RIMS2: variants seen among roughly 807,000 people sequenced by gnomAD.
RIMS2 encodes the protein regulating synaptic membrane exocytosis protein 2.
RIMS2 carries 59 observed loss-of-function variants against 174.4 expected under a neutral mutation model. The observed-to-expected ratio is 0.34, with a 90% confidence interval of 0.27 to 0.42. The LOEUF (loss-of-function observed/expected upper bound fraction) is 0.42. Ranked by LOEUF, RIMS2 falls within the 10% of genes least tolerant of loss-of-function variation. The probability of loss-of-function intolerance (pLI) is 1.00; values close to 1 mark genes in which losing one functional copy is unlikely to be tolerated. For missense variants in RIMS2, 1,620 were observed against 1,666.3 expected (o/e 0.97, Z 0.48); for synonymous variants, 606 against 572.5 (o/e 1.06, Z -0.84).
intron 1 of RIMS2, among the ~76,000 whole-genome samples, chr8:103,675,655 C>A (rs1447366559): frequency 6.6e-6 from 1 of 152,148 alleles, no homozygotes; most frequent in Non-Finnish European, 1.5e-5. Flanking sequence ...GACCAGTACA[C>A]CCAGGCAGAA....
chr8:104,250,849 G>A (rs535263345), intron 22 of RIMS2, among the ~76,000 whole-genome samples, 175 bp from the exon 29 acceptor site: 1 of 152,246 alleles, frequency 6.6e-6, no homozygotes, highest in East Asian at 1.9e-4. Context: ...AAAACTCCCT[G>A]AAAGACACAG....
At chr8:104,152,358 C>A (rs1397925485) in intron 19 of RIMS2, among the ~76,000 whole-genome samples, 1 of 152,066 alleles carries the variant, frequency 6.6e-6, no homozygotes, top group African/African-American at 2.4e-5. Context: ...ATAGATTTGA[C>A]CTGCTGACAA....
chr8:104,022,059 GA>G (rs2096111568), intron 19 of RIMS2, among the ~76,000 whole-genome samples: 1 of 152,124 alleles, frequency 6.6e-6, no homozygotes, highest in African/African-American at 2.4e-5. Context: ...GCAAAAGTCT[GA>G]AAAATATCTC....
chr8:104,065,616 A>G (rs1201760168), intron 19 of RIMS2, among the ~76,000 whole-genome samples: 2 of 152,114 alleles, frequency 1.3e-5, no homozygotes, highest in Non-Finnish European at 2.9e-5. Flanking sequence ...TATGAACCAA[A>G]TAATTTTTGG....
intron 2 of RIMS2, among the ~76,000 whole-genome samples, chr8:103,732,085 T>G (rs545970920): frequency 1.6e-4 from 25 of 152,320 alleles, no homozygotes; most frequent in African/African-American, 6.0e-4. Context: ...TGGGTAGGTT[T>G]TCCATGTATT....
chr8:103,937,664 A>T (rs1392167359), intron 13 of RIMS2, among the ~76,000 whole-genome samples: 1 of 152,212 alleles, frequency 6.6e-6, no homozygotes, highest in Non-Finnish European at 1.5e-5. Flanking sequence ...GAATTTAGCA[A>T]ATTCAAGGGG....
chr8:103,717,273 A>C (rs1432644697), intron 2 of RIMS2, among the ~76,000 whole-genome samples: 4 of 150,388 alleles, frequency 2.7e-5, no homozygotes, highest in Non-Finnish European at 5.9e-5. Flanking sequence ...TCTTAGTAGA[A>C]AAAAGGTTAC....
chr8:103,941,572 G>A (rs761201125), intron 13 of RIMS2, among the ~76,000 whole-genome samples: 1 of 151,922 alleles, frequency 6.6e-6, no homozygotes, highest in Non-Finnish European at 1.5e-5. Flanking sequence ...ATCTTTATGT[G>A]GCAGTTCTTG....
At chr8:103,574,616 C>T (rs2093075878) in intron 1 of RIMS2, among the ~76,000 whole-genome samples, 1 of 152,168 alleles carries the variant, frequency 6.6e-6, no homozygotes, top group African/African-American at 2.4e-5. Context: ...CTTTGGTTCC[C>T]CTTTATAAAT....
At chr8:103,656,096 A>G (rs1193773978) in intron 1 of RIMS2, among the ~76,000 whole-genome samples, 1 of 152,078 alleles carries the variant, frequency 6.6e-6, no homozygotes, top group African/African-American at 2.4e-5. Context: ...TTGAGAATAT[A>G]TTTGAAGATT....
intron 3 of RIMS2, among the ~76,000 whole-genome samples, chr8:103,877,875 T>C (rs928938807): frequency 1.3e-5 from 2 of 151,888 alleles, no homozygotes; most frequent in East Asian, 3.9e-4. Context: ...GCATGGGATG[T>C]TTATCCATTT....
intron 4 of RIMS2, among the ~76,000 whole-genome samples, chr8:103,902,842 C>A (rs1017732161): frequency 6.6e-6 from 1 of 152,102 alleles, no homozygotes; most frequent in East Asian, 1.9e-4. Context: ...CTCAAGAAAC[C>A]TATTTAATTG....
intron 1 of RIMS2, among the ~76,000 whole-genome samples, chr8:103,609,982 T>G (rs1456033839): frequency 6.6e-6 from 1 of 152,226 alleles, no homozygotes; most frequent in Non-Finnish European, 1.5e-5. Flanking sequence ...GCCTTTCTAT[T>G]TGGTTATGTC....
intron 4 of RIMS2, among the ~76,000 whole-genome samples, chr8:103,889,470 T>A (rs1035001088): frequency 1.3e-5 from 2 of 151,792 alleles, no homozygotes; most frequent in Non-Finnish European, 3.0e-5. Context: ...AATTTTAAAA[T>A]GTTAACCAAC....
chr8:103,725,429 C>G (rs1321359979), intron 2 of RIMS2, among the ~76,000 whole-genome samples: 9 of 152,084 alleles, frequency 5.9e-5, no homozygotes, highest in Admixed American at 5.9e-4. Context: ...CCCTTCTGAC[C>G]TTATTACCAT....
chr8:104,075,510 G>A (rs2097272441), intron 19 of RIMS2, among the ~76,000 whole-genome samples: 2 of 152,170 alleles, frequency 1.3e-5, no homozygotes, highest in Admixed American at 1.3e-4. Context: ...TTCAACTCGA[G>A]CCAAGTCAAG....
At chr8:103,671,064 G>A (rs370317719) in intron 1 of RIMS2, among the ~76,000 whole-genome samples, 1 of 152,172 alleles carries the variant, frequency 6.6e-6, no homozygotes, top group African/African-American at 2.4e-5. Context: ...CACAATCATG[G>A]TGGGAGGCGA....
At chr8:104,144,345 C>T (rs549031735) in intron 19 of RIMS2, among the ~76,000 whole-genome samples, 1 of 152,068 alleles carries the variant, frequency 6.6e-6, no homozygotes, top group Non-Finnish European at 1.5e-5. Flanking sequence ...TTTTCTAGAA[C>T]CGAACACCCT....
chr8:104,226,996 A>G (rs930722159), intron 19 of RIMS2, among the ~76,000 whole-genome samples: 11 of 152,180 alleles, frequency 7.2e-5, no homozygotes, highest in Non-Finnish European at 1.6e-4. Context: ...TATGTGCCAC[A>G]TTCCTTTAAT....
Sources: allele counts gnomAD v4.1 joint callset (sites outside exome capture counted in the v4.1 genomes callset), GRCh38; gene constraint gnomAD v4.1.1; transcripts MANE v1.5; gene names NCBI Gene and HGNC (gene_info 2026-07-23, HGNC 2026-07-21).